DENND6A: variants seen among roughly 807,000 people sequenced by gnomAD.
DENND6A encodes protein DENND6A.
In DENND6A, 43 loss-of-function variants were observed where a neutral mutation model predicts 95.5. The ratio of observed to expected loss-of-function variants is 0.45; its 90% CI spans 0.35 to 0.58. DENND6A has a LOEUF of 0.58. DENND6A is among the 20% of genes least tolerant of loss of function. DENND6A has a pLI of 0.00. For synonymous variants in DENND6A, 257 were observed against 260.4 expected (o/e 0.99, Z 0.13); for missense variants, 574 against 736.0 (o/e 0.78, Z 2.55).
At chr3:57,661,014 C>G (rs1238371107) in intron 6 of DENND6A, among the ~76,000 whole-genome samples, 175 bp from the exon 7 acceptor site, 1 of 152,070 alleles carries the variant, frequency 6.6e-6, no homozygotes, top group African/African-American at 2.4e-5. Context: ...ATATTTCACT[C>G]AGAAATACAC....
At chr3:57,663,548 G>T in intron 5 of DENND6A, 88 bp downstream of exon 5, 2 of 707,410 alleles carry the variant, frequency 2.8e-6, no homozygotes, top group Non-Finnish European at 4.2e-6. Context: ...AAATACCAAA[G>T]ACTTTAAAGA....
intron 18 of DENND6A, among the ~76,000 whole-genome samples, chr3:57,629,388 T>G (rs904506788): frequency 3.9e-5 from 6 of 152,078 alleles, no homozygotes; most frequent in African/African-American, 9.7e-5. Context: ...ACACTGAGGT[T>G]AGCACACCTC....
chr3:57,637,987 A>G (rs2070836163), intron 12 of DENND6A, among the ~76,000 whole-genome samples: 1 of 151,632 alleles, frequency 6.6e-6, no homozygotes, highest in Non-Finnish European at 1.5e-5. Flanking sequence ...TACAAAAATC[A>G]GCTGAGTGTG....
chr3:57,630,271 T>C (rs555870121), intron 18 of DENND6A, 150 bp downstream of exon 18: 4 of 606,884 alleles, frequency 6.6e-6, no homozygotes, highest in East Asian at 3.2e-5. Flanking sequence ...GCCCCTATAA[T>C]GTCCTTGGCA....
At chr3:57,665,992 T>G in intron 4 of DENND6A, 131 bp downstream of exon 4, 2 of 589,576 alleles carry the variant, frequency 3.4e-6, no homozygotes, top group Non-Finnish European at 5.9e-6. Flanking sequence ...AGACTCACTT[T>G]GGAAATTCAG....
chr3:57,674,525 G>A (rs572614688), intron 1 of DENND6A, among the ~76,000 whole-genome samples: 40 of 152,084 alleles, frequency 2.6e-4, no homozygotes, highest in Middle Eastern at 3.4e-3. Flanking sequence ...CAGCTACTCC[G>A]GAGGCTGAAG....
At chr3:57,690,384 G>C (rs1221771823) in intron 1 of DENND6A, among the ~76,000 whole-genome samples, 1 of 151,768 alleles carries the variant, frequency 6.6e-6, no homozygotes, top group African/African-American at 2.4e-5. Context: ...GGTGCCTGTA[G>C]TCCCAGCAAC....
rs1293647306 is a variant in DENND6A, at chr3:57,634,786, A to C, written c.1133-17T>G. 4 of 1,529,258 alleles carry C rather than the reference A, an allele frequency of 2.6e-6. No homozygotes were observed. The highest frequency in any genetic ancestry group is 3.5e-6 in the Non-Finnish European group (4 of 1,140,782). 94.7% of individuals were successfully genotyped at this position (1,529,258 alleles called of 1,614,324 possible). On this transcript the variant is annotated splice_polypyrimidine_tract_variant and intron_variant, in intron 12 of 19. Coordinates refer to ENST00000311128, the MANE Select transcript of DENND6A (RefSeq NM_152678.3). ...GAATTTCACCTGAAGGAAGCAGCAT[A>C]AAGATTTTTATAATTATTCTAATCA...
chr3:57,656,348 A>C (rs1301706037), intron 9 of DENND6A, among the ~76,000 whole-genome samples: 5 of 152,200 alleles, frequency 3.3e-5, no homozygotes, highest in Admixed American at 3.3e-4. Context: ...TGCATGTATC[A>C]ACTGTTCCTT....
intron 1 of DENND6A, among the ~76,000 whole-genome samples, chr3:57,687,336 T>C (rs1352000638): frequency 6.6e-6 from 1 of 152,166 alleles, no homozygotes; most frequent in African/African-American, 2.4e-5. Flanking sequence ...CGCAACTCTT[T>C]TCAATTCTGT....
At chr3:57,651,026 T>C (rs2071198580) in intron 9 of DENND6A, among the ~76,000 whole-genome samples, 1 of 152,068 alleles carries the variant, frequency 6.6e-6, no homozygotes, top group Non-Finnish European at 1.5e-5. Context: ...TCAGATGATC[T>C]GACCACCTTG....
chr3:57,679,405 T>G (rs1559830406), intron 1 of DENND6A: 14 of 721,802 alleles, frequency 1.9e-5, no homozygotes, highest in Non-Finnish European at 2.4e-5. Flanking sequence ...AAGCCAAATC[T>G]TCAGCTTCTT....
intron 1 of DENND6A, among the ~76,000 whole-genome samples, chr3:57,687,176 A>G (rs926723233): frequency 1.3e-5 from 2 of 152,192 alleles, no homozygotes; most frequent in South Asian, 2.1e-4. Context: ...AAGTTCTTGA[A>G]GGAAATTAAA....
intron 14 of DENND6A, among the ~76,000 whole-genome samples, chr3:57,634,207 C>T (rs759885220): frequency 2.0e-5 from 3 of 151,682 alleles, no homozygotes; most frequent in Non-Finnish European, 4.4e-5. Context: ...CCGAGGTGGG[C>T]GTATCACTTA....
intron 1 of DENND6A, among the ~76,000 whole-genome samples, chr3:57,677,942 T>C (rs183496786): frequency 2.6e-5 from 4 of 152,308 alleles, no homozygotes; most frequent in African/African-American, 9.6e-5. Context: ...GTTAGTTATA[T>C]CCCATTCTTT....
chr3:57,681,253 C>T (rs1482202446), intron 1 of DENND6A, among the ~76,000 whole-genome samples: 4 of 151,834 alleles, frequency 2.6e-5, no homozygotes, highest in Non-Finnish European at 5.9e-5. Context: ...ATCACGAGGT[C>T]AGGAGATCGA....
intron 7 of DENND6A, 131 bp downstream of exon 7, chr3:57,660,629 G>T: frequency 1.5e-6 from 1 of 671,596 alleles, no homozygotes; most frequent in Non-Finnish European, 2.3e-6. Flanking sequence ...GATTGCTTGA[G>T]CCCGGAAAGT....
chr3:57,637,493 A>G (rs777581020), intron 12 of DENND6A, among the ~76,000 whole-genome samples: 7 of 152,138 alleles, frequency 4.6e-5, no homozygotes, highest in African/African-American at 7.2e-5. Flanking sequence ...TTGGTTCTAA[A>G]GAAGATGTTT....
At chr3:57,663,483 A>ATATAT (rs1481078936) in intron 5 of DENND6A, among the ~76,000 whole-genome samples, 153 bp downstream of exon 5, 72 of 117,778 alleles carry the variant, frequency 6.1e-4, no homozygotes, top group African/African-American at 3.0e-3. Flanking sequence ...AAAAAAAAAA[A>ATATAT]AAAAATATAT....
Sources: gnomAD v4.1 joint callset for allele counts (sites outside exome capture counted in the v4.1 genomes callset) on GRCh38, gnomAD v4.1.1 for gene constraint, MANE v1.5 for transcripts, NCBI Gene and HGNC (gene_info 2026-07-23, HGNC 2026-07-21) for gene names.